The following ADGRL3 variants were observed in gnomAD, a reference collection of about 807,000 sequenced individuals.
ADGRL3 encodes the protein calcium-independent alpha-latrotoxin receptor 3.
In ADGRL3, 62 loss-of-function variants were observed where a neutral mutation model predicts 153.5. The observed-to-expected ratio is 0.40, with a 90% confidence interval of 0.33 to 0.50. The LOEUF is 0.50. Ranked by LOEUF, ADGRL3 falls within the 20% of genes least tolerant of loss-of-function variation. ADGRL3 has a pLI of 0.47. For synonymous variants in ADGRL3, 710 were observed against 672.5 expected (o/e 1.06, Z -0.86); for missense variants, 1,641 against 1,859.4 (o/e 0.88, Z 2.16).
intron 5 of ADGRL3, among the ~76,000 whole-genome samples, chr4:61,617,838 C>T (rs895888222): frequency 1.3e-5 from 2 of 152,206 alleles, no homozygotes; most frequent in Non-Finnish European, 2.9e-5. Context: ...ATAAATCCTA[C>T]TTGAATATCT....
At chr4:61,204,844 A>T (rs929204551) in intron 1 of ADGRL3, among the ~76,000 whole-genome samples, 2 of 152,194 alleles carry the variant, frequency 1.3e-5, no homozygotes, top group Non-Finnish European at 2.9e-5. Context: ...AATGCTTTTG[A>T]TGTCTCATTT....
At position 61,969,038 on chromosome 4, in the gene ADGRL3, A is replaced by G. The variant is rs537006223; in HGVS notation, c.2806-10525A>G. ...CATGATTCAACGTATCATTTGATAT[A>G]TTGTAGCACCATGATCATTAATAAG... On this transcript the variant is annotated intron_variant, in intron 17 of 26. Transcript: ENST00000683033. 2.1e-3 allele frequency among the ~76,000 whole-genome samples: 314 copies of G among 152,210 alleles called. 2 individuals carry two copies. Among genetic ancestry groups the G allele is most frequent in the Admixed American group, 2.8e-3 (42 of 15,268 alleles).
At chr4:61,868,343 A>G (rs887524941) in intron 9 of ADGRL3, among the ~76,000 whole-genome samples, 14 of 151,822 alleles carry the variant, frequency 9.2e-5, no homozygotes, top group Non-Finnish European at 4.4e-5. Flanking sequence ...AGCGATTTCT[A>G]TCTCTTTTTC....
intron 6 of ADGRL3, among the ~76,000 whole-genome samples, chr4:61,699,676 GATCTT>G (rs1005597961): frequency 7.9e-5 from 12 of 152,076 alleles, no homozygotes; most frequent in Admixed American, 5.2e-4. Context: ...CGACATTTTT[GATCTT>G]ATCTTTTAAC....
intron 8 of ADGRL3, among the ~76,000 whole-genome samples, chr4:61,803,036 A>T (rs981436249): frequency 1.3e-5 from 2 of 152,142 alleles, no homozygotes; most frequent in African/African-American, 4.8e-5. Context: ...TTTTATTTCT[A>T]TTCGCTAGTG....
chr4:62,030,511 T>C (rs1018994472), intron 22 of ADGRL3, among the ~76,000 whole-genome samples: 2 of 151,578 alleles, frequency 1.3e-5, no homozygotes. Context: ...CATTTTATCT[T>C]GATATTCAAT....
At chr4:61,464,786 C>T (rs1297913973) in intron 2 of ADGRL3, among the ~76,000 whole-genome samples, 1 of 152,032 alleles carries the variant, frequency 6.6e-6, no homozygotes, top group Middle Eastern at 3.2e-3. Context: ...TATCTGTTCC[C>T]CAGAAAATTA....
intron 9 of ADGRL3, among the ~76,000 whole-genome samples, chr4:61,883,515 C>T (rs1194793819): frequency 6.6e-6 from 1 of 151,988 alleles, no homozygotes; most frequent in African/African-American, 2.4e-5. Context: ...CAAATAAATA[C>T]AAGTATATTA....
At chr4:61,372,485 T>C (rs937899346) in intron 1 of ADGRL3, among the ~76,000 whole-genome samples, 29 of 152,282 alleles carry the variant, frequency 1.9e-4, no homozygotes, top group Non-Finnish European at 3.5e-4. Context: ...TGGAGTACCC[T>C]GCAGTGTGAG....
intron 7 of ADGRL3, among the ~76,000 whole-genome samples, chr4:61,730,878 T>C (rs1012322842): frequency 3.4e-4 from 52 of 151,922 alleles, no homozygotes; most frequent in African/African-American, 1.2e-3. Flanking sequence ...TATTTTTGAG[T>C]AGTTAGAAAT....
intron 2 of ADGRL3, among the ~76,000 whole-genome samples, chr4:61,423,376 A>G (rs2152351796): frequency 6.6e-6 from 1 of 152,358 alleles, no homozygotes; most frequent in Non-Finnish European, 1.5e-5. Flanking sequence ...ATGCACTTCC[A>G]TATTTCAGGA....
intron 6 of ADGRL3, among the ~76,000 whole-genome samples, chr4:61,700,716 G>A (rs2095741821): frequency 6.6e-6 from 1 of 152,148 alleles, no homozygotes; most frequent in African/African-American, 2.4e-5. Context: ...TTTCCAAAAT[G>A]AAAATCAAGA....
At chr4:61,359,647 GTCATACTATGTAAAA>G (rs1379600269) in intron 1 of ADGRL3, among the ~76,000 whole-genome samples, 12 of 152,172 alleles carry the variant, frequency 7.9e-5, no homozygotes, top group Admixed American at 5.2e-4. Flanking sequence ...AGAGTCTTTG[GTCATACTATGTAAAA>G]TTGTAAATTT....
chr4:61,745,369 A>T (rs2096642231), intron 8 of ADGRL3, among the ~76,000 whole-genome samples: 1 of 152,130 alleles, frequency 6.6e-6, no homozygotes, highest in South Asian at 2.1e-4. Flanking sequence ...TGCCACAAAG[A>T]TACTCCTCGA....
intron 8 of ADGRL3, among the ~76,000 whole-genome samples, chr4:61,754,709 G>A (rs535413217): frequency 1.7e-4 from 26 of 152,078 alleles, no homozygotes; most frequent in South Asian, 4.2e-4. Context: ...ATGTTGGTGC[G>A]CTGCACCCAT....
At chr4:61,514,478 G>A (rs1459565511) in intron 3 of ADGRL3, among the ~76,000 whole-genome samples, 1 of 152,138 alleles carries the variant, frequency 6.6e-6, no homozygotes, top group Admixed American at 6.5e-5. Context: ...TATTTCCACA[G>A]AAGTCATACA....
intron 5 of ADGRL3, among the ~76,000 whole-genome samples, chr4:61,592,474 G>T (rs992915039): frequency 7.2e-5 from 11 of 152,088 alleles, no homozygotes; most frequent in Non-Finnish European, 7.4e-5. Flanking sequence ...GAAAGGCATA[G>T]AACCTATAAT....
chr4:61,881,546 T>G (rs1247026252), intron 9 of ADGRL3, among the ~76,000 whole-genome samples: 1 of 152,074 alleles, frequency 6.6e-6, no homozygotes, highest in African/African-American at 2.4e-5. Context: ...GCCCGGCTAG[T>G]TTTTGCGTTT....
intron 4 of ADGRL3, among the ~76,000 whole-genome samples, chr4:61,533,682 A>T (rs1179256400): frequency 6.6e-6 from 1 of 152,104 alleles, no homozygotes; most frequent in East Asian, 1.9e-4. Flanking sequence ...TATTCTTTGA[A>T]ATGACCACAT....
Sources: gnomAD v4.1 joint callset for allele counts (sites outside exome capture counted in the v4.1 genomes callset) on GRCh38, gnomAD v4.1.1 for gene constraint, MANE v1.5 for transcripts, NCBI Gene and HGNC (gene_info 2026-07-23, HGNC 2026-07-21) for gene names.